Variants in MON2 observed in about 807,000 individuals in gnomAD.
The protein encoded by MON2 is protein MON2 homolog.
Under a neutral mutation model 208.6 loss-of-function variants are expected in MON2, and 84 were observed. The ratio of observed to expected loss-of-function variants is 0.40; its 90% CI spans 0.34 to 0.48. The LOEUF (loss-of-function observed/expected upper bound fraction) is 0.48. MON2 is among the 20% of genes least tolerant of loss of function. The pLI is 0.59. For missense variants in MON2, 1,611 were observed against 2,015.4 expected (o/e 0.80, Z 3.84); for synonymous variants, 660 against 694.0 (o/e 0.95, Z 0.77).
intron 12 of MON2, 56 bp downstream of exon 12, chr12:62,532,726 A>G: frequency 7.3e-7 from 1 of 1,362,406 alleles, no homozygotes; most frequent in African/African-American, 1.5e-5. Context: ...TACAATTTGC[A>G]AAAATTGTAG....
At chr12:62,501,800 A>G in intron 7 of MON2, 102 bp downstream of exon 7, 2 of 1,314,444 alleles carry the variant, frequency 1.5e-6, no homozygotes, top group Non-Finnish European at 2.1e-6. Flanking sequence ...AAAAGTGGCA[A>G]AGAGGCCAGA....
At chr12:62,487,723 T>C (rs1203958132) in intron 2 of MON2, among the ~76,000 whole-genome samples, 2 of 152,002 alleles carry the variant, frequency 1.3e-5, no homozygotes, top group Non-Finnish European at 2.9e-5. Context: ...GCTTGTGATA[T>C]TTTACAAACA....
At chr12:62,552,767 T>G (rs2073807847) in intron 23 of MON2, 114 bp from the exon 24 acceptor site, 1 of 719,902 alleles carries the variant, frequency 1.4e-6, no homozygotes, top group African/African-American at 1.8e-5. Flanking sequence ...AAGAGATTTT[T>G]GAAGTAATGT....
In MON2 at chr12:62,553,009, A is replaced by G; in HGVS notation, c.3045A>G (p.Ala1015=). 1 of 1,614,196 alleles carries G rather than the reference A, an allele frequency of 6.2e-7. No homozygotes were observed. Among genetic ancestry groups the G allele is most frequent in the Non-Finnish European group, 8.5e-7 (1 of 1,180,022 alleles). The change falls in exon 24 of 35, where the codon GCA becomes GCG. Residue 1015 remains alanine, a synonymous_variant. Transcript: ENST00000393630. ...GVVLNRPFHP[A]PPFDCLWLCL... ...TTTTAAATCGGCCATTCCACCCTGC[A>G]CCGCCATTTGATTGCTTGTGGTTAT...
chr12:62,471,289 T>A (rs1158614763), intron 1 of MON2, among the ~76,000 whole-genome samples: 3 of 152,184 alleles, frequency 2.0e-5, no homozygotes, highest in African/African-American at 7.2e-5. Flanking sequence ...TTCAAGTGAT[T>A]TTCCCGCCTC....
intron 1 of MON2, among the ~76,000 whole-genome samples, chr12:62,477,573 T>C (rs2069157852): frequency 1.3e-5 from 2 of 148,484 alleles, no homozygotes; most frequent in Non-Finnish European, 3.0e-5. Context: ...CACCACCACG[T>C]TTGCCTAATT....
chr12:62,540,508 A>T (rs2073186335), intron 19 of MON2, among the ~76,000 whole-genome samples: 1 of 152,188 alleles, frequency 6.6e-6, no homozygotes, highest in Non-Finnish European at 1.5e-5. Flanking sequence ...AAAGAAAAAT[A>T]TTGTAGGAAA....
chr12:62,576,484 A>G (rs960274601), intron 30 of MON2, among the ~76,000 whole-genome samples: 1 of 152,116 alleles, frequency 6.6e-6, no homozygotes, highest in Non-Finnish European at 1.5e-5. Flanking sequence ...TTATATTGCA[A>G]CAAAAATTTT....
chr12:62,480,863 TGGACCTA>T (rs1443791425), intron 1 of MON2, among the ~76,000 whole-genome samples: 8 of 152,250 alleles, frequency 5.3e-5, no homozygotes, highest in African/African-American at 1.7e-4. Context: ...ATATTGACTT[TGGACCTA>T]TGCAAGGTAT....
At chr12:62,577,385 A>G (rs944876061) in intron 30 of MON2, among the ~76,000 whole-genome samples, 2 of 152,150 alleles carry the variant, frequency 1.3e-5, no homozygotes, top group African/African-American at 2.4e-5. Context: ...GATGCAAAGT[A>G]GTTGGTACTC....
At chr12:62,524,446 A>C in intron 8 of MON2, 69 bp from the exon 9 acceptor site, 2 of 1,326,440 alleles carry the variant, frequency 1.5e-6, no homozygotes, top group South Asian at 2.6e-5. Flanking sequence ...CTAAGTTAAG[A>C]ATAAGAACAC....
chr12:62,557,962 ATTTTTTT>A (rs869193690), intron 25 of MON2, among the ~76,000 whole-genome samples: 26 of 20,840 alleles, frequency 1.2e-3, no homozygotes, highest in African/African-American at 9.7e-4. Flanking sequence ...ATATATATAT[ATTTTTTT>A]TTTTTTTTTT....
chr12:62,541,727 T>C (rs911817715), intron 19 of MON2, among the ~76,000 whole-genome samples: 5 of 152,208 alleles, frequency 3.3e-5, no homozygotes, highest in African/African-American at 9.6e-5. Flanking sequence ...GAAACAGCTG[T>C]GTAGTTTTTT....
At chr12:62,549,301 A>G (rs557556869) in intron 22 of MON2, among the ~76,000 whole-genome samples, 1 of 152,156 alleles carries the variant, frequency 6.6e-6, no homozygotes, top group African/African-American at 2.4e-5. Context: ...ATTGTAAGAT[A>G]TGTATTTTTA....
intron 8 of MON2, among the ~76,000 whole-genome samples, chr12:62,519,860 G>T (rs1279557239): frequency 6.6e-6 from 1 of 152,240 alleles, no homozygotes; most frequent in Non-Finnish European, 1.5e-5. Flanking sequence ...CTGTCACCCT[G>T]GCTGGAGTGC....
intron 8 of MON2, among the ~76,000 whole-genome samples, chr12:62,512,056 C>T (rs2071434823): frequency 6.6e-6 from 1 of 152,104 alleles, no homozygotes; most frequent in African/African-American, 2.4e-5. Flanking sequence ...TGGGAAAGAC[C>T]TGCCTCCCAT....
chr12:62,547,326 C>A (rs2073533117), intron 22 of MON2, among the ~76,000 whole-genome samples: 1 of 151,946 alleles, frequency 6.6e-6, no homozygotes, highest in Non-Finnish European at 1.5e-5. Flanking sequence ...AAAAATTGCT[C>A]TTTATTTAAC....
intron 19 of MON2, among the ~76,000 whole-genome samples, chr12:62,539,412 C>T (rs1004104985): frequency 2.6e-5 from 4 of 151,536 alleles, no homozygotes; most frequent in East Asian, 2.0e-4. Flanking sequence ...TACAGGTGCC[C>T]GCCACCACGC....
At chr12:62,484,117 G>A (rs2069616655) in intron 1 of MON2, 53 bp from the exon 2 acceptor site, 1 of 1,275,582 alleles carries the variant, frequency 7.8e-7, no homozygotes. Flanking sequence ...ATTTTCCATA[G>A]ATAATTCATT....
Sources: gnomAD v4.1 joint callset for allele counts (sites outside exome capture counted in the v4.1 genomes callset) on GRCh38, gnomAD v4.1.1 for gene constraint, MANE v1.5 for transcripts, NCBI Gene and HGNC (gene_info 2026-07-23, HGNC 2026-07-21) for gene names.